Variants in SLC15A1 observed in about 807,000 individuals in gnomAD.
SLC15A1 encodes solute carrier family 15 member 1.
A neutral mutation model predicts 92.9 loss-of-function variants in SLC15A1; 83 were observed. That is an observed-to-expected ratio of 0.89 (90% confidence interval 0.75 to 1.07). The LOEUF (loss-of-function observed/expected upper bound fraction) is 1.07. Ranked by LOEUF, SLC15A1 falls within the 50% of genes least tolerant of loss-of-function variation. SLC15A1 has a pLI of 0.00. For synonymous variants in SLC15A1, 322 were observed against 318.2 expected (o/e 1.01, Z -0.13); for missense variants, 857 against 880.1 (o/e 0.97, Z 0.33).
chr13:98,693,192 G>A (rs2087996175), intron 18 of SLC15A1, among the ~76,000 whole-genome samples: 1 of 146,976 alleles, frequency 6.8e-6, no homozygotes, highest in Admixed American at 6.9e-5. Context: ...CCGCCTCCCG[G>A]GTTCAAGCGA....
At chr13:98,705,594 T>A (rs2088106590) in intron 16 of SLC15A1, among the ~76,000 whole-genome samples, 1 of 152,150 alleles carries the variant, frequency 6.6e-6, no homozygotes, top group Non-Finnish European at 1.5e-5. Context: ...GCCTGCTGAT[T>A]AAAAATCTGC....
chr13:98,752,261 C>T (rs1257989728), intron 1 of SLC15A1, among the ~76,000 whole-genome samples: 3 of 152,270 alleles, frequency 2.0e-5, no homozygotes, highest in Non-Finnish European at 2.9e-5. Context: ...CCGCCCCTGC[C>T]GTCACCCGCT....
intron 14 of SLC15A1, 31 bp from the exon 15 acceptor site, chr13:98,708,798 C>T: frequency 1.9e-6 from 3 of 1,565,516 alleles, no homozygotes; most frequent in Non-Finnish European, 2.6e-6. Context: ...TGACTCTCAA[C>T]CAGTTTCACA....
At chr13:98,741,924 G>A (rs2088451529) in intron 1 of SLC15A1, among the ~76,000 whole-genome samples, 1 of 152,174 alleles carries the variant, frequency 6.6e-6, no homozygotes, top group Admixed American at 6.5e-5. Context: ...ACCCCTAACG[G>A]CAGGAAACTA....
chr13:98,751,890 A>G (rs1211975968), intron 1 of SLC15A1, among the ~76,000 whole-genome samples: 2 of 152,210 alleles, frequency 1.3e-5, no homozygotes, highest in African/African-American at 2.4e-5. Context: ...CTCATCTTTA[A>G]GAAAGCAGCG....
chr13:98,708,277 A>T (rs2139578944), intron 15 of SLC15A1, among the ~76,000 whole-genome samples: 1 of 152,328 alleles, frequency 6.6e-6, no homozygotes, highest in East Asian at 1.9e-4. Context: ...TGTGTGGATT[A>T]ACTGAGAAAC....
chr13:98,691,869 T>C (rs2087981766), intron 18 of SLC15A1, among the ~76,000 whole-genome samples: 2 of 151,952 alleles, frequency 1.3e-5, no homozygotes, highest in Admixed American at 1.3e-4. Flanking sequence ...AGGTCGGAAG[T>C]TTGAGACCAG....
intron 1 of SLC15A1, among the ~76,000 whole-genome samples, chr13:98,749,505 A>G (rs192302986): frequency 6.6e-6 from 1 of 152,232 alleles, no homozygotes; most frequent in Admixed American, 6.5e-5. Context: ...GGGTGGGAGG[A>G]AAGAGATCAA....
intron 1 of SLC15A1, among the ~76,000 whole-genome samples, chr13:98,728,093 C>G (rs1244889021): frequency 8.5e-5 from 13 of 152,226 alleles, no homozygotes; most frequent in Non-Finnish European, 1.9e-4. Flanking sequence ...TTGGGAATCA[C>G]TACACTGGAA....
Position 98,726,416 on chromosome 13 carries a change from T to A in SLC15A1, c.55A>T (p.Ile19Phe). The A allele has an allele frequency of 6.2e-7, 1 of 1,614,104 alleles. No homozygotes were observed. The change falls in exon 3 of 23, where the codon ATC (isoleucine) becomes TTC (phenylalanine). Residue 19 changes from isoleucine to phenylalanine, a missense_variant. Transcript: ENST00000376503. ...CTTTCGCAAAACTCATTGACCACGA[T>A]GAAGAAGATGCTCAGGGGATAACCA... is the stretch of plus-strand genomic sequence containing the variant. ...FFGYPLSIFF[I>F]VVNEFCERFS...
chr13:98,715,449 G>A (rs750799051), intron 9 of SLC15A1, among the ~76,000 whole-genome samples: 74 of 152,046 alleles, frequency 4.9e-4, no homozygotes, highest in Non-Finnish European at 2.6e-4. Flanking sequence ...CTGGGACTAC[G>A]GGCATGAGCC....
At chr13:98,731,519 T>A (rs1339235498) in intron 1 of SLC15A1, among the ~76,000 whole-genome samples, 1 of 152,090 alleles carries the variant, frequency 6.6e-6, no homozygotes, top group Non-Finnish European at 1.5e-5. Flanking sequence ...GAAAGGTCCC[T>A]GTTATCCTTG....
At chr13:98,727,496 C>T (rs1473329665) in intron 1 of SLC15A1, among the ~76,000 whole-genome samples, 1 of 151,478 alleles carries the variant, frequency 6.6e-6, no homozygotes, top group African/African-American at 2.4e-5. Context: ...ACGTCCTGTA[C>T]AATACCTACC....
At chr13:98,749,900 C>G (rs970054137) in intron 1 of SLC15A1, among the ~76,000 whole-genome samples, 2 of 152,160 alleles carry the variant, frequency 1.3e-5, no homozygotes, top group African/African-American at 4.8e-5. Flanking sequence ...ATAGAAACTG[C>G]TCTGCTCATT....
At chr13:98,712,068 G>A (rs1220486740) in intron 10 of SLC15A1, 125 bp from the exon 11 acceptor site, 1 of 687,416 alleles carries the variant, frequency 1.5e-6, no homozygotes. Context: ...GCTGGGAGGT[G>A]ATTAATCCAA....
In SLC15A1 at chr13:98,706,147, C is replaced by G. The variant is rs4646227; in HGVS notation, c.1256G>C (p.Gly419Ala). The change falls in exon 16 of 23, where the codon GGC (glycine) becomes GCC (alanine). Residue 419 changes from glycine to alanine, a missense_variant. Transcript: ENST00000376503. ...CCTTCTACTTACTTGAGACATTGGGCCAAGTGTCACCATCTCTCCAGGAAG... is the reference window on the plus strand; with the variant it reads ...CCTTCTACTTACTTGAGACATTGGGGCAAGTGTCACCATCTCTCCAGGAAG... ...ISLPGEMVTLGPMSQTNAFMT... is the reference protein window; with the variant it reads ...ISLPGEMVTLAPMSQTNAFMT... The G allele has an allele frequency of 0.029, 46,770 of 1,610,572 alleles. 1,191 individuals are homozygous for G. The highest frequency in any genetic ancestry group is 0.11 in the African/African-American group (7,998 of 74,744).
chr13:98,742,306 C>A lies in SLC15A1; in HGVS notation c.4+10289G>T, dbSNP rs537813469. Reference sequence around the variant, plus strand: ...TACCTGTCGCCAGCCCCTGCTGCTACAGGGCTGCTTTTCCCGCCTACATGG... The same window carrying A: ...TACCTGTCGCCAGCCCCTGCTGCTAAAGGGCTGCTTTTCCCGCCTACATGG... On this transcript the variant is annotated intron_variant, in intron 1 of 22. Transcript: ENST00000376503. 2.8e-4 allele frequency among the ~76,000 whole-genome samples: 43 copies of A among 152,344 alleles called. No homozygotes were observed. The South Asian group carries it at 8.3e-3, about 29-fold the overall frequency.
At chr13:98,738,419 G>A (rs1398329194) in intron 1 of SLC15A1, among the ~76,000 whole-genome samples, 1 of 152,210 alleles carries the variant, frequency 6.6e-6, no homozygotes, top group Non-Finnish European at 1.5e-5. Flanking sequence ...CCCATCACAG[G>A]GCCCAGAGGC....
chr13:98,724,179 T>G (rs2088281190), intron 4 of SLC15A1, 148 bp from the exon 5 acceptor site: 1 of 1,052,210 alleles, frequency 9.5e-7, no homozygotes, highest in African/African-American at 1.6e-5. Flanking sequence ...CACTGTTAAC[T>G]CTCAGGAACT....
Sources: allele counts gnomAD v4.1 joint callset (sites outside exome capture counted in the v4.1 genomes callset), GRCh38; gene constraint gnomAD v4.1.1; transcripts MANE v1.5; gene names NCBI Gene and HGNC (gene_info 2026-07-23, HGNC 2026-07-21).